FAF2: variants seen among roughly 807,000 people sequenced by gnomAD.
FAF2 encodes Fas associated factor family member 2.
A neutral mutation model predicts 62.3 loss-of-function variants in FAF2; 9 were observed. The ratio of observed to expected loss-of-function variants is 0.14; its 90% CI spans 0.09 to 0.25. FAF2 has a LOEUF of 0.25. Ranked by LOEUF, FAF2 falls within the 10% of genes least tolerant of loss-of-function variation. FAF2 has a pLI of 1.00. For missense variants in FAF2, 368 were observed against 556.2 expected (o/e 0.66, Z 3.40); for synonymous variants, 202 against 198.0 (o/e 1.02, Z -0.17).
chr5:176,497,986 C>CA (rs891555404), intron 8 of FAF2, among the ~76,000 whole-genome samples: 24 of 152,044 alleles, frequency 1.6e-4, no homozygotes, highest in Admixed American at 1.4e-3. Flanking sequence ...CCCATCTCTA[C>CA]AAAAAATACA....
At chr5:176,498,426 G>A (rs909282437) in intron 8 of FAF2, among the ~76,000 whole-genome samples, 5 of 152,156 alleles carry the variant, frequency 3.3e-5, no homozygotes, top group Non-Finnish European at 7.3e-5. Flanking sequence ...GAGAAAATAG[G>A]AGATATGCCA....
chr5:176,506,945 G>T lies in FAF2; in HGVS notation c.1333G>T (p.Glu445Ter), dbSNP rs765033847. The T allele has an allele frequency of 6.6e-7, 1 of 1,515,864 alleles. No homozygotes were observed. The highest frequency in any genetic ancestry group is 8.9e-7 in the Non-Finnish European group (1 of 1,123,022). The allele number at this position is 1,515,864 out of a possible 1,614,324, so 93.9% of individuals were successfully genotyped here. ...TCTTTTTGTTCAGGACCTAACTGACGAATGACATTTTTTTCTTCCTGTCCC... is the reference window on the plus strand; with the variant it reads ...TCTTTTTGTTCAGGACCTAACTGACTAATGACATTTTTTTCTTCCTGTCCC... The part of the protein sequence containing the change: ...EVLFVQDLTD[E>*] The change falls in exon 11 of 11, where the codon GAA (glutamate) becomes TAA (stop). Residue 445 changes from glutamate (E) to a stop codon, truncating the protein, a stop_gained. Transcript: ENST00000261942. LOFTEE classifies it high-confidence loss of function.
In FAF2 at chr5:176,507,894, A is replaced by G. The variant is rs1755712297; in HGVS notation, c.*944A>G. The G allele has an allele frequency of 6.6e-6, 1 of 152,520 alleles. No individual in the cohort carries two copies. The highest frequency in any genetic ancestry group is 2.1e-4 in the South Asian group (1 of 4,812). 9.4% of individuals were successfully genotyped at this position (152,520 alleles called of 1,614,324 possible). On this transcript the variant is annotated 3_prime_UTR_variant, in exon 11 of 11. Transcript: ENST00000261942. Reference sequence around the variant, plus strand: ...CTGAACCAAAGGATAGCAGCTCTTCATTCCTCTTCTGACATGTGCATGCTG... The same window carrying G: ...CTGAACCAAAGGATAGCAGCTCTTCGTTCCTCTTCTGACATGTGCATGCTG...
At chr5:176,470,742 G>A (rs1758551669) in intron 1 of FAF2, among the ~76,000 whole-genome samples, 1 of 152,208 alleles carries the variant, frequency 6.6e-6, no homozygotes, top group South Asian at 2.1e-4. Flanking sequence ...CAGCACACTA[G>A]CTTACTTTGG....
rs564441054 is a variant in FAF2 at position 176,507,154 on chromosome 5, T to C, written c.*204T>C. On this transcript the variant is annotated 3_prime_UTR_variant, in exon 11 of 11. Transcript: ENST00000261942. Reference sequence around the variant, plus strand: ...GCCCGTAAGAGTCACAACCTGTGTGTGCGCGCAAGGTTAGCAACAAACGTA... The same window carrying C: ...GCCCGTAAGAGTCACAACCTGTGTGCGCGCGCAAGGTTAGCAACAAACGTA... 4 of 353,244 alleles carry C rather than the reference T, an allele frequency of 1.1e-5. No individual in the cohort carries two copies. The highest frequency in any genetic ancestry group is 6.5e-5 in the South Asian group (2 of 30,756). 21.9% of individuals were successfully genotyped at this position (353,244 alleles called of 1,614,324 possible).
chr5:176,480,788 C>T (rs900095788), intron 2 of FAF2, among the ~76,000 whole-genome samples: 5 of 78,478 alleles, frequency 6.4e-5, no homozygotes, highest in East Asian at 4.0e-4. Flanking sequence ...ACATCACACA[C>T]GGGGCCTCTC....
intron 4 of FAF2, among the ~76,000 whole-genome samples, chr5:176,489,846 A>T (rs1407439816): frequency 6.6e-6 from 1 of 151,990 alleles, no homozygotes; most frequent in Non-Finnish European, 1.5e-5. Context: ...CATGCCTGGC[A>T]GCTTCGGTAC....
intron 1 of FAF2, among the ~76,000 whole-genome samples, chr5:176,455,150 C>T (rs1452315894): frequency 2.0e-5 from 3 of 152,112 alleles, no homozygotes; most frequent in African/African-American, 7.2e-5. Flanking sequence ...CATTGAGATA[C>T]AACATTGTAC....
At chr5:176,495,919 A>G (rs1755457880) in intron 7 of FAF2, among the ~76,000 whole-genome samples, 1 of 152,160 alleles carries the variant, frequency 6.6e-6, no homozygotes, top group South Asian at 2.1e-4. Context: ...CAAGAGAAAA[A>G]AAAATGATGA....
chr5:176,498,753 C>T (rs1452130596), intron 8 of FAF2, among the ~76,000 whole-genome samples, 161 bp from the exon 9 acceptor site: 1 of 152,142 alleles, frequency 6.6e-6, no homozygotes, highest in African/African-American at 2.4e-5. Context: ...CAGATTCTGC[C>T]ACGCTCTGCT....
rs1251584875 is a variant in FAF2, at chr5:176,486,470, T to G, written c.248T>G (p.Val83Gly). 1 of 1,614,066 alleles carries G rather than the reference T, an allele frequency of 6.2e-7. No individual in the cohort carries two copies. Among genetic ancestry groups the G allele is most frequent in the Non-Finnish European group, 8.5e-7 (1 of 1,179,998 alleles). Residue 83 changes from valine (V) to glycine (G), a missense_variant, in exon 3 of 11, where the codon GTC (valine) becomes GGC (glycine). Val to Gly is a moderately radical substitution (Grantham distance 109, BLOSUM62 -3). Coordinates refer to ENST00000261942, the MANE Select transcript of FAF2 (RefSeq NM_014613.3). ...TADHRIYSYV[V>G]SRPQPRGLLG... ...GACCACAGGATCTACAGCTATGTTG[T>G]CTCAAGACCTCAACCAAGGGCAAGT...
intron 2 of FAF2, among the ~76,000 whole-genome samples, chr5:176,483,180 C>T (rs1758811855): frequency 1.3e-5 from 2 of 152,128 alleles, no homozygotes; most frequent in African/African-American, 4.8e-5. Context: ...CCTCAGCCTC[C>T]CTGACACCTC....
intron 1 of FAF2, among the ~76,000 whole-genome samples, chr5:176,469,981 A>G (rs924873180): frequency 6.6e-6 from 1 of 152,174 alleles, no homozygotes; most frequent in African/African-American, 2.4e-5. Flanking sequence ...GTGGGGTGGA[A>G]AAGTTGGTTT....
chr5:176,458,436 GTCTCACTC>G (rs201896636), intron 1 of FAF2, among the ~76,000 whole-genome samples: 4,538 of 77,794 alleles, frequency 0.058, 305 homozygotes, highest in African/African-American at 0.18. Context: ...TTGAGACGGA[GTCTCACTC>G]TCTCACCCAC....
chr5:176,496,951 C>T (rs1413524114), intron 8 of FAF2: 1 of 205,876 alleles, frequency 4.9e-6, no homozygotes, highest in African/African-American at 2.3e-5. Flanking sequence ...TGAATCCAGA[C>T]TGGGCAGCAA....
At chr5:176,477,197 G>C (rs1219228706) in intron 1 of FAF2, among the ~76,000 whole-genome samples, 1 of 140,766 alleles carries the variant, frequency 7.1e-6, no homozygotes, top group Non-Finnish European at 1.5e-5. Context: ...TGACCGCCTC[G>C]GCCTCCCAAA....
At chr5:176,479,400 G>A in intron 2 of FAF2, 144 bp downstream of exon 2, 2 of 668,326 alleles carry the variant, frequency 3.0e-6, no homozygotes, top group South Asian at 4.1e-5. Context: ...GGAAGGTAAA[G>A]AATGTGAGAA....
chr5:176,469,155 G>A (rs1347288979), intron 1 of FAF2, among the ~76,000 whole-genome samples: 1 of 152,094 alleles, frequency 6.6e-6, no homozygotes, highest in Non-Finnish European at 1.5e-5. Context: ...TGAGGTAGGA[G>A]AATCACTTGA....
chr5:176,504,790 ATTTAAATTC>A (rs942264415), intron 10 of FAF2, among the ~76,000 whole-genome samples: 12 of 152,184 alleles, frequency 7.9e-5, no homozygotes, highest in African/African-American at 2.7e-4. Context: ...TGGATTTACT[ATTTAAATTC>A]TGGATTATAG....
Sources: gnomAD v4.1 joint callset for allele counts (sites outside exome capture counted in the v4.1 genomes callset) on GRCh38, gnomAD v4.1.1 for gene constraint, MANE v1.5 for transcripts, NCBI Gene and HGNC (gene_info 2026-07-23, HGNC 2026-07-21) for gene names.